ST8SIA4: variants seen among roughly 807,000 people sequenced by gnomAD.
ST8SIA4 encodes ST8 alpha-N-acetyl-neuraminide alpha-2,8-sialyltransferase 4.
Under a neutral mutation model 33.9 loss-of-function variants are expected in ST8SIA4, and 15 were observed. The ratio of observed to expected loss-of-function variants is 0.44; its 90% CI spans 0.30 to 0.68. The LOEUF (loss-of-function observed/expected upper bound fraction) is 0.68. ST8SIA4 is among the 30% of genes least tolerant of loss of function. The pLI, the probability that ST8SIA4 is intolerant of heterozygous loss-of-function variation, is 0.10. For missense variants in ST8SIA4, 321 were observed against 428.0 expected (o/e 0.75, Z 2.21); for synonymous variants, 171 against 151.2 (o/e 1.13, Z -0.96).
chr5:100,886,047 A>G, intron 3 of ST8SIA4: 3 of 1,108,458 alleles, frequency 2.7e-6, no homozygotes, highest in South Asian at 2.9e-5. Context: ...CTAAGAAAAA[A>G]GTTTGTGTGG....
At chr5:100,831,216 T>A (rs1001839057) in intron 4 of ST8SIA4, among the ~76,000 whole-genome samples, 4 of 152,230 alleles carry the variant, frequency 2.6e-5, no homozygotes, top group Non-Finnish European at 5.9e-5. Flanking sequence ...AAGGAACTAC[T>A]GTTCTCCAGG....
At chr5:100,885,115 C>T (rs1053725730) in intron 3 of ST8SIA4, among the ~76,000 whole-genome samples, 13 of 149,906 alleles carry the variant, frequency 8.7e-5, no homozygotes, top group African/African-American at 3.1e-4. Flanking sequence ...ATTTGAAGCT[C>T]CTGATTTCCA....
chr5:100,876,381 A>G (rs1031721963), intron 3 of ST8SIA4, among the ~76,000 whole-genome samples: 1 of 152,096 alleles, frequency 6.6e-6, no homozygotes. Context: ...GAAATGGTAC[A>G]TAAATGGCAC....
At chr5:100,859,188 T>C (rs1751879961) in intron 3 of ST8SIA4, among the ~76,000 whole-genome samples, 1 of 152,102 alleles carries the variant, frequency 6.6e-6, no homozygotes, top group Non-Finnish European at 1.5e-5. Flanking sequence ...AAACTGCTGA[T>C]TGAGCAGGAT....
chr5:100,822,907 G>C (rs1374204073), intron 4 of ST8SIA4, among the ~76,000 whole-genome samples: 1 of 152,080 alleles, frequency 6.6e-6, no homozygotes, highest in Admixed American at 6.5e-5. Flanking sequence ...CGAGGCGGGC[G>C]GATCACGAGG....
chr5:100,887,288 C>G (rs1347145141), intron 2 of ST8SIA4, among the ~76,000 whole-genome samples: 1 of 151,908 alleles, frequency 6.6e-6, no homozygotes, highest in Non-Finnish European at 1.5e-5. Context: ...TTCCTTTTTT[C>G]TCTTCTTCCT....
At chr5:100,830,529 G>C (rs889321238) in intron 4 of ST8SIA4, among the ~76,000 whole-genome samples, 7 of 152,150 alleles carry the variant, frequency 4.6e-5, no homozygotes, top group Admixed American at 2.0e-4. Context: ...ACTGTCATAT[G>C]CAGCAGATAT....
chr5:100,811,797 C>T lies in ST8SIA4; in HGVS notation c.*50G>A, dbSNP rs375084549. The T allele has an allele frequency of 3.3e-6, 5 of 1,531,170 alleles. No homozygotes were observed. The highest frequency in any genetic ancestry group is 2.3e-5 in the East Asian group (1 of 44,164). The allele number at this position is 1,531,170 out of a possible 1,614,324, so 94.8% of individuals were successfully genotyped here. A position where few individuals can be genotyped will look rare whatever the true frequency, so the allele number is the denominator to read the frequency against. On this transcript the variant is annotated 3_prime_UTR_variant, in exon 5 of 5. Transcript: ENST00000231461. ...GTTTTGGATCCTATTTTCAAATCTTCGGAAGCATCTTCAGAAAAGAAGTGC... is the reference window on the plus strand; with the variant it reads ...GTTTTGGATCCTATTTTCAAATCTTTGGAAGCATCTTCAGAAAAGAAGTGC...
At chr5:100,860,962 A>G (rs1381987057) in intron 3 of ST8SIA4, among the ~76,000 whole-genome samples, 1 of 152,198 alleles carries the variant, frequency 6.6e-6, no homozygotes, top group Non-Finnish European at 1.5e-5. Context: ...AAACATAAAT[A>G]TAATATCTAT....
Position 100,856,084 on chromosome 5 carries a change from G to A in ST8SIA4, c.797+19C>T, listed in dbSNP as rs1751807990. 6.2e-7 allele frequency: 1 copy of A among 1,610,726 alleles called. No individual in the cohort carries two copies. Among genetic ancestry groups the A allele is most frequent in the Non-Finnish European group, 8.5e-7 (1 of 1,177,568 alleles). Reference sequence around the variant, plus strand: ...GTTCCACTGTGCCAAGGACAAACTGGTCCTTTCCAGTCACTTACCCTCTGA... The same window carrying A: ...GTTCCACTGTGCCAAGGACAAACTGATCCTTTCCAGTCACTTACCCTCTGA... On this transcript the variant is annotated intron_variant, in intron 4 of 4. Coordinates refer to ENST00000231461, the MANE Select transcript of ST8SIA4 (RefSeq NM_005668.6).
chr5:100,880,010 G>T (rs1036710423), intron 3 of ST8SIA4, among the ~76,000 whole-genome samples: 9 of 152,072 alleles, frequency 5.9e-5, no homozygotes, highest in Non-Finnish European at 1.3e-4. Context: ...GTTTGTATAA[G>T]GGATTATCAT....
At chr5:100,897,793 C>A (rs895542496) in intron 1 of ST8SIA4, among the ~76,000 whole-genome samples, 2 of 152,152 alleles carry the variant, frequency 1.3e-5, no homozygotes, top group African/African-American at 2.4e-5. Context: ...GAAAATGATA[C>A]GTTTGCATGC....
At chr5:100,877,534 T>A (rs1752331027) in intron 3 of ST8SIA4, among the ~76,000 whole-genome samples, 1 of 152,180 alleles carries the variant, frequency 6.6e-6, no homozygotes, top group African/African-American at 2.4e-5. Context: ...AATAGGTCAT[T>A]GAAGATCTCG....
intron 1 of ST8SIA4, chr5:100,900,446 A>G (rs1561411805): frequency 4.4e-6 from 2 of 456,108 alleles, no homozygotes; most frequent in South Asian, 3.1e-5. Flanking sequence ...TTATGAGTCA[A>G]CTCCTCCACC....
At chr5:100,900,761 GGGGGGT>G (rs1439782396) in intron 1 of ST8SIA4, among the ~76,000 whole-genome samples, 4 of 136,290 alleles carry the variant, frequency 2.9e-5, no homozygotes, top group African/African-American at 1.1e-4. Context: ...GACTTTGGGT[GGGGGGT>G]GGGGGTGGGG....
At chr5:100,878,767 C>T (rs1238208585) in intron 3 of ST8SIA4, among the ~76,000 whole-genome samples, 1 of 152,040 alleles carries the variant, frequency 6.6e-6, no homozygotes, top group Non-Finnish European at 1.5e-5. Context: ...TCTCAACTAG[C>T]TATTAAGTAA....
chr5:100,867,242 C>T (rs766526679), intron 3 of ST8SIA4, among the ~76,000 whole-genome samples: 1 of 151,946 alleles, frequency 6.6e-6, no homozygotes, highest in Non-Finnish European at 1.5e-5. Context: ...ACTTTGAGTA[C>T]AAGTTTGTAA....
At chr5:100,843,707 T>G (rs533311327) in intron 4 of ST8SIA4, among the ~76,000 whole-genome samples, 2 of 151,942 alleles carry the variant, frequency 1.3e-5, no homozygotes, top group Admixed American at 1.3e-4. Context: ...ATGATCCATC[T>G]GAATGAAGAT....
intron 1 of ST8SIA4, among the ~76,000 whole-genome samples, chr5:100,896,555 A>G (rs944556192): frequency 6.6e-6 from 1 of 152,142 alleles, no homozygotes; most frequent in Non-Finnish European, 1.5e-5. Flanking sequence ...TATATTTTTA[A>G]GTAGCTCCAA....
Sources: allele counts gnomAD v4.1 joint callset (sites outside exome capture counted in the v4.1 genomes callset), GRCh38; gene constraint gnomAD v4.1.1; transcripts MANE v1.5; gene names NCBI Gene and HGNC (gene_info 2026-07-23, HGNC 2026-07-21).